The following PMFBP1 variants were observed in gnomAD, a reference collection of about 807,000 sequenced individuals.
The protein encoded by PMFBP1 is polyamine modulated factor 1 binding protein 1, also known as polyamine-modulated factor 1-binding protein 1.
A neutral mutation model predicts 137.8 loss-of-function variants in PMFBP1; 131 were observed. The ratio of observed to expected loss-of-function variants is 0.95; its 90% CI spans 0.82 to 1.10. The LOEUF (loss-of-function observed/expected upper bound fraction) is 1.10, where lower values mean the gene tolerates loss of function less well. Ranked by LOEUF, PMFBP1 falls within the 50% of genes least tolerant of loss-of-function variation. The probability of loss-of-function intolerance (pLI) is 0.00; values close to 1 mark genes in which losing one functional copy is unlikely to be tolerated. For missense variants in PMFBP1, 1,199 were observed against 1,175.4 expected (o/e 1.02, Z -0.29); for synonymous variants, 490 against 450.4 (o/e 1.09, Z -1.11).
chr16:72,166,901 A>T (rs1045593525), intron 2 of PMFBP1, among the ~76,000 whole-genome samples: 7 of 152,208 alleles, frequency 4.6e-5, no homozygotes, highest in Admixed American at 1.3e-4. Context: ...AGTGCATAGT[A>T]GACAGGGGAT....
chr16:72,154,140 C>T, intron 4 of PMFBP1, 71 bp downstream of exon 4: 1 of 1,566,318 alleles, frequency 6.4e-7, no homozygotes, highest in Non-Finnish European at 8.7e-7. Flanking sequence ...CGTCTGCTTT[C>T]TAGTGGGCTT....
intron 4 of PMFBP1, among the ~76,000 whole-genome samples, chr16:72,153,404 C>T (rs140694469): frequency 1.4e-3 from 219 of 152,094 alleles, no homozygotes; most frequent in African/African-American, 3.6e-3. Context: ...TTTTCTTCTC[C>T]GTCCTTCCAA....
intron 5 of PMFBP1, among the ~76,000 whole-genome samples, chr16:72,141,000 T>C (rs990687521): frequency 7.4e-6 from 1 of 135,772 alleles, no homozygotes; most frequent in African/African-American, 2.8e-5. Context: ...AGTGGCACTA[T>C]CCTGGTTCAC....
intron 3 of PMFBP1, among the ~76,000 whole-genome samples, chr16:72,161,190 T>C (rs1400040871): frequency 1.3e-5 from 2 of 149,870 alleles, no homozygotes; most frequent in Non-Finnish European, 3.0e-5. Flanking sequence ...CTCTGTCCCC[T>C]GGATTCAAGC....
At chr16:72,171,173 A>C (rs1001590972) in intron 2 of PMFBP1, 24 bp downstream of exon 2, 1 of 1,610,264 alleles carries the variant, frequency 6.2e-7, no homozygotes. Context: ...AACTCCATGC[A>C]TGTAGAGGAG....
intron 7 of PMFBP1, among the ~76,000 whole-genome samples, chr16:72,137,921 G>A (rs972476598): frequency 6.6e-6 from 1 of 152,150 alleles, no homozygotes; most frequent in Admixed American, 6.5e-5. Context: ...AGTGGGCACT[G>A]CAGGGACTCA....
intron 9 of PMFBP1, among the ~76,000 whole-genome samples, chr16:72,135,420 T>C (rs113792984): frequency 0.04 from 6,106 of 151,346 alleles, 391 homozygotes; most frequent in African/African-American, 0.14. Flanking sequence ...TTTCACCCTG[T>C]TGGTCAGGCT....
the PMFBP1 span, among the ~76,000 whole-genome samples, chr16:72,217,641 C>G: frequency 1.3e-5 from 2 of 152,308 alleles, no homozygotes; most frequent in Non-Finnish European, 2.9e-5. Flanking sequence ...CACCTGATAT[C>G]AAGAGTTCGA....
At chr16:72,163,123 G>A (rs1006529194) in intron 3 of PMFBP1, among the ~76,000 whole-genome samples, 3 of 152,178 alleles carry the variant, frequency 2.0e-5, no homozygotes, top group African/African-American at 4.8e-5. Context: ...ACACAGTGGC[G>A]GCTTCACAGC....
chr16:72,156,789 G>A (rs557194995), intron 3 of PMFBP1, among the ~76,000 whole-genome samples: 3 of 152,192 alleles, frequency 2.0e-5, no homozygotes, highest in Admixed American at 2.0e-4. Context: ...ATTAGCCTTT[G>A]TGTGGGTATG....
chr16:72,121,494 A>G (rs2042376384), intron 19 of PMFBP1, among the ~76,000 whole-genome samples: 1 of 152,220 alleles, frequency 6.6e-6, no homozygotes, highest in African/African-American at 2.4e-5. Flanking sequence ...AAAGCCTAGA[A>G]TAGGGCTTTC....
chr16:72,136,996 G>T (rs758870436), intron 7 of PMFBP1, among the ~76,000 whole-genome samples, 177 bp from the exon 8 acceptor site: 2 of 152,128 alleles, frequency 1.3e-5, no homozygotes, highest in Non-Finnish European at 2.9e-5. Flanking sequence ...GTTTCTTCTG[G>T]GGTGACACAA....
the PMFBP1 span, among the ~76,000 whole-genome samples, chr16:72,246,947 C>T: frequency 6.6e-6 from 1 of 152,110 alleles, no homozygotes; most frequent in East Asian, 1.9e-4. Context: ...CTGTTTGATA[C>T]CCTCCTACTG....
chr16:72,161,562 T>TA (rs767672117), intron 3 of PMFBP1, among the ~76,000 whole-genome samples: 4 of 151,982 alleles, frequency 2.6e-5, no homozygotes, highest in Admixed American at 2.6e-4. Context: ...ACATTCACTT[T>TA]AAAAAAAGTA....
chr16:72,201,378 T>A, the PMFBP1 span, among the ~76,000 whole-genome samples: 2 of 152,346 alleles, frequency 1.3e-5, no homozygotes, highest in East Asian at 3.9e-4. Context: ...TGTCCACATT[T>A]TCATCATACA....
In PMFBP1 at chr16:72,151,539, T is replaced by C. The variant is rs1567635157; in HGVS notation, c.415-710A>G. On this transcript the variant is annotated intron_variant, in intron 4 of 20. Transcript: ENST00000237353. ...GCTAAATTGTATGGCTCGAATTTGA[T>C]GTGTTGAAGGAGTTAACAGCAGAAG... is the stretch of plus-strand genomic sequence containing the variant. Among the ~76,000 whole-genome samples, 6 of 152,170 alleles carry C rather than the reference T, an allele frequency of 3.9e-5. No individual in the cohort carries two copies. In the East Asian group the frequency reaches 5.8e-4, roughly 15 times the overall value.
chr16:72,130,248 T>G lies in PMFBP1; in HGVS notation c.1747A>C (p.Lys583Gln). The G allele has an allele frequency of 6.2e-7, 1 of 1,614,106 alleles. No individual in the cohort carries two copies. The highest frequency in any genetic ancestry group is 1.1e-5 in the South Asian group (1 of 91,090). Residue 583 changes from lysine (K) to glutamine (Q), a missense_variant, in exon 12 of 21, where the codon AAA becomes CAA. Lys to Gln is a moderately conservative substitution (Grantham distance 53, BLOSUM62 1). Transcript: ENST00000237353. ...LQKTVAEQDMKMNDMLDRIKH... is the reference protein window; with the variant it reads ...LQKTVAEQDMQMNDMLDRIKH... ...ATACGATCAAGCATGTCATTCATTTTCATATCCTGCTCAGCCACTGTCTTC... is the reference window on the plus strand; with the variant it reads ...ATACGATCAAGCATGTCATTCATTTGCATATCCTGCTCAGCCACTGTCTTC...
the PMFBP1 span, among the ~76,000 whole-genome samples, chr16:72,204,452 G>T: frequency 6.6e-6 from 1 of 152,186 alleles, no homozygotes; most frequent in South Asian, 2.1e-4. Context: ...ATCTGCCTGC[G>T]TTGGCCTCCC....
chr16:72,214,831 T>C, the PMFBP1 span, among the ~76,000 whole-genome samples: 1 of 151,860 alleles, frequency 6.6e-6, no homozygotes, highest in African/African-American at 2.4e-5. Flanking sequence ...TAGAGGAATA[T>C]AAAAGGGACT....
Sources: gnomAD v4.1 joint callset for allele counts (sites outside exome capture counted in the v4.1 genomes callset) on GRCh38, gnomAD v4.1.1 for gene constraint, MANE v1.5 for transcripts, NCBI Gene and HGNC (gene_info 2026-07-23, HGNC 2026-07-21) for gene names.